Variants in DOCK1 observed in about 807,000 individuals in gnomAD.
DOCK1 encodes the protein dedicator of cytokinesis protein 1.
A neutral mutation model predicts 262.7 loss-of-function variants in DOCK1; 138 were observed. The observed-to-expected ratio is 0.53, with a 90% CI of 0.46 to 0.61. The LOEUF is 0.61. DOCK1 is among the 20% of genes least tolerant of loss of function. DOCK1 has a pLI of 0.00. For synonymous variants in DOCK1, 866 were observed against 867.4 expected (o/e 1.00, Z 0.03); for missense variants, 1,908 against 2,370.7 (o/e 0.80, Z 4.05).
At chr10:127,219,159 T>C (rs2058328674) in intron 27 of DOCK1, among the ~76,000 whole-genome samples, 1 of 152,198 alleles carries the variant, frequency 6.6e-6, no homozygotes, top group Admixed American at 6.5e-5. Context: ...GTTCTGAAGT[T>C]TTCCTTTCAG....
At chr10:127,363,087 A>G (rs2064685235) in intron 33 of DOCK1, among the ~76,000 whole-genome samples, 1 of 124,344 alleles carries the variant, frequency 8.0e-6, no homozygotes, top group Non-Finnish European at 1.8e-5. Flanking sequence ...ATGTGCACAC[A>G]TACACACACA....
chr10:127,186,046 C>T (rs1015787426), intron 27 of DOCK1, among the ~76,000 whole-genome samples: 1 of 152,134 alleles, frequency 6.6e-6, no homozygotes, highest in Non-Finnish European at 1.5e-5. Context: ...GGAATAACAA[C>T]GTTTTAGAGC....
At chr10:127,239,323 T>C (rs2059180856) in intron 27 of DOCK1, among the ~76,000 whole-genome samples, 1 of 152,190 alleles carries the variant, frequency 6.6e-6, no homozygotes, top group South Asian at 2.1e-4. Flanking sequence ...ATTATCTATG[T>C]TTTTATTTAC....
chr10:127,137,864 G>C, intron 27 of DOCK1: 1 of 1,613,984 alleles, frequency 6.2e-7, no homozygotes, highest in East Asian at 2.2e-5. Flanking sequence ...TCCATCTTCC[G>C]TGCTTTTTAG....
intron 1 of DOCK1, among the ~76,000 whole-genome samples, chr10:126,909,035 G>A (rs1441195724): frequency 6.6e-6 from 1 of 152,180 alleles, no homozygotes; most frequent in African/African-American, 2.4e-5. Flanking sequence ...CATGGCAAAA[G>A]GGACTTGGCA....
intron 32 of DOCK1, among the ~76,000 whole-genome samples, chr10:127,358,421 T>C (rs1021054158): frequency 2.0e-5 from 3 of 152,114 alleles, no homozygotes; most frequent in Non-Finnish European, 4.4e-5. Context: ...GGGGGGAAAA[T>C]GTGCTTATTT....
At chr10:126,987,744 AC>A in intron 5 of DOCK1, 127 bp downstream of exon 5, 2 of 914,168 alleles carry the variant, frequency 2.2e-6, no homozygotes, top group Non-Finnish European at 1.6e-6. Context: ...ACAGAGTTTT[AC>A]TCGGAATTGG....
At position 127,260,774 on chromosome 10, in the gene DOCK1, C is replaced by T. The variant is rs1339131099; in HGVS notation, c.3044+3345C>T. 2.7e-4 allele frequency among the ~76,000 whole-genome samples: 23 copies of T among 86,194 alleles called. No individual in the cohort carries two copies. In the East Asian group the frequency reaches 7.0e-3, roughly 26 times the overall value. The allele number at this position is 86,194 out of a possible 152,430, so 56.5% of individuals were successfully genotyped here. ...GTACCCGTGCTCATCTGTGTGTGTGCATGTGGGTGTGTGTGTGTACCCGTG... is the reference window on the plus strand; with the variant it reads ...GTACCCGTGCTCATCTGTGTGTGTGTATGTGGGTGTGTGTGTGTACCCGTG... On this transcript the variant is annotated intron_variant, in intron 29 of 51. Coordinates refer to ENST00000623213, the MANE Select transcript of DOCK1 (RefSeq NM_001290223.2).
intron 31 of DOCK1, among the ~76,000 whole-genome samples, chr10:127,344,981 T>C (rs1188364608): frequency 2.0e-5 from 3 of 152,234 alleles, no homozygotes; most frequent in African/African-American, 7.2e-5. Flanking sequence ...ATACTCACCA[T>C]TGTGTTACAT....
At chr10:127,153,967 G>C (rs1347246887) in intron 27 of DOCK1, 6 of 1,447,072 alleles carry the variant, frequency 4.1e-6, no homozygotes, top group Non-Finnish European at 5.8e-6. Flanking sequence ...GTGGCTGGGG[G>C]TCACTGGCTT....
intron 12 of DOCK1, chr10:127,015,255 C>T (rs2041778336): frequency 6.6e-6 from 1 of 152,116 alleles, no homozygotes; most frequent in African/African-American, 2.4e-5. Flanking sequence ...AGTAATACAT[C>T]TGTCTCTGTC....
intron 35 of DOCK1, among the ~76,000 whole-genome samples, chr10:127,374,506 T>C (rs750726624): frequency 2.6e-5 from 4 of 152,196 alleles, no homozygotes; most frequent in Non-Finnish European, 5.9e-5. Flanking sequence ...ATTACGGCCT[T>C]AAGGCTTTGT....
At chr10:127,124,597 C>A (rs1057476819) in intron 25 of DOCK1, among the ~76,000 whole-genome samples, 2 of 152,240 alleles carry the variant, frequency 1.3e-5, no homozygotes, top group Admixed American at 6.5e-5. Flanking sequence ...CCCAAACCTG[C>A]TTTGCCTCTG....
intron 27 of DOCK1, chr10:127,136,670 A>T (rs1457265661): frequency 3.3e-5 from 5 of 152,684 alleles, no homozygotes; most frequent in Admixed American, 6.5e-5. Context: ...GAGAACTCTA[A>T]GTGTTACTGT....
At chr10:127,369,364 A>G (rs2065088562) in intron 33 of DOCK1, among the ~76,000 whole-genome samples, 1 of 152,172 alleles carries the variant, frequency 6.6e-6, no homozygotes, top group Non-Finnish European at 1.5e-5. Context: ...CTTCTGTTTC[A>G]TTGAATCCAG....
rs533687702 is a variant in DOCK1 at position 127,078,270 on chromosome 10, ATTAG to A, written c.2445+16497_2445+16500del. Among the ~76,000 whole-genome samples the A allele has an allele frequency of 3.4e-3, 521 of 152,248 alleles. 3 individuals are homozygous for A. The highest frequency in any genetic ancestry group is 5.5e-3 in the Non-Finnish European group (377 of 68,010). ...AAGTTTTATCTTATAGAATTTTTTT[ATTAG>A]TTCTTTTATTTTTGTCATGGGAAAA... On this transcript the variant is annotated intron_variant, in intron 23 of 51. Transcript: ENST00000623213.
At chr10:127,263,733 C>T (rs2060260342) in intron 29 of DOCK1, among the ~76,000 whole-genome samples, 5 of 151,988 alleles carry the variant, frequency 3.3e-5, no homozygotes. Context: ...CTCGGATTCA[C>T]GCTTTGTGTG....
Position 127,052,830 on chromosome 10 carries a change from C to G in DOCK1, c.2336+15C>G. 1 of 1,601,498 alleles carries G rather than the reference C, an allele frequency of 6.2e-7. No homozygotes were observed. Among genetic ancestry groups the G allele is most frequent in the Non-Finnish European group, 8.5e-7 (1 of 1,173,438 alleles). On this transcript the variant is annotated intron_variant, in intron 22 of 51. Transcript: ENST00000623213. The stretch of plus-strand genomic sequence containing the variant: ...CTGTTCAATCAGTGCGTACCTATCC[C>G]CTCCATGCCCGGGCTCTCAGAGGAC...
chr10:126,999,253 A>G (rs1399492974), intron 8 of DOCK1, 101 bp from the exon 9 acceptor site: 2 of 827,784 alleles, frequency 2.4e-6, no homozygotes, highest in African/African-American at 1.7e-5. Context: ...AGTTGTCTGT[A>G]TAGTGCACGT....
Sources: gnomAD v4.1 joint callset for allele counts (sites outside exome capture counted in the v4.1 genomes callset) on GRCh38, gnomAD v4.1.1 for gene constraint, MANE v1.5 for transcripts, NCBI Gene and HGNC (gene_info 2026-07-23, HGNC 2026-07-21) for gene names.